PPP1R16B: variants seen among roughly 807,000 people sequenced by gnomAD.
PPP1R16B encodes the protein protein phosphatase 1 regulatory subunit 16B, also known as protein phosphatase 1 regulatory inhibitor subunit 16B.
PPP1R16B carries 14 observed loss-of-function variants against 61.7 expected under a neutral mutation model. That is an observed-to-expected ratio of 0.23 (90% confidence interval 0.15 to 0.35). PPP1R16B has a LOEUF of 0.35. Among genes scored for constraint, PPP1R16B ranks in the 10% least tolerant of loss-of-function variants. The pLI is 1.00. For synonymous variants in PPP1R16B, 266 were observed against 305.3 expected (o/e 0.87, Z 1.34); for missense variants, 547 against 752.5 (o/e 0.73, Z 3.19).
chr20:38,827,578 T>G (rs1195963771), intron 1 of PPP1R16B, among the ~76,000 whole-genome samples: 1 of 152,178 alleles, frequency 6.6e-6, no homozygotes, highest in Non-Finnish European at 1.5e-5. Flanking sequence ...TGTGGGGATC[T>G]GAGTTTCACG....
intron 2 of PPP1R16B, among the ~76,000 whole-genome samples, chr20:38,879,675 A>G (rs565179649): frequency 1.3e-4 from 20 of 152,366 alleles, no homozygotes; most frequent in Non-Finnish European, 2.5e-4. Flanking sequence ...TATATCCTAA[A>G]GGGTGTGCTG....
intron 2 of PPP1R16B, among the ~76,000 whole-genome samples, chr20:38,879,191 G>A (rs1394366449): frequency 2.0e-5 from 3 of 152,160 alleles, no homozygotes; most frequent in African/African-American, 7.2e-5. Flanking sequence ...TTCCAAGTTC[G>A]TGTTTCTGGA....
intron 2 of PPP1R16B, among the ~76,000 whole-genome samples, chr20:38,881,677 A>G (rs942447475): frequency 2.0e-5 from 3 of 152,250 alleles, no homozygotes; most frequent in African/African-American, 7.2e-5. Context: ...TTGCAAATAT[A>G]GTAACCACAA....
At chr20:38,832,736 T>A (rs745424458) in intron 1 of PPP1R16B, among the ~76,000 whole-genome samples, 1 of 151,940 alleles carries the variant, frequency 6.6e-6, no homozygotes, top group Non-Finnish European at 1.5e-5. Flanking sequence ...CTGGCCAACA[T>A]GGTGAAACCC....
At chr20:38,848,659 G>C (rs2084949414) in intron 2 of PPP1R16B, among the ~76,000 whole-genome samples, 1 of 152,112 alleles carries the variant, frequency 6.6e-6, no homozygotes, top group South Asian at 2.1e-4. Flanking sequence ...AGCTTTGCAG[G>C]GACATGGATG....
intron 6 of PPP1R16B, among the ~76,000 whole-genome samples, chr20:38,903,845 G>C (rs183275319): frequency 5.0e-4 from 76 of 152,346 alleles, no homozygotes; most frequent in Non-Finnish European, 9.8e-4. Context: ...ATATTGGGGA[G>C]GTCTGCTTCT....
At chr20:38,846,492 A>G (rs528753927) in intron 2 of PPP1R16B, among the ~76,000 whole-genome samples, 1 of 152,312 alleles carries the variant, frequency 6.6e-6, no homozygotes, top group East Asian at 1.9e-4. Flanking sequence ...AGAAGCCTGG[A>G]AGAAAGGACT....
chr20:38,859,078 A>G (rs1273221145), intron 2 of PPP1R16B, among the ~76,000 whole-genome samples: 3 of 152,126 alleles, frequency 2.0e-5, no homozygotes, highest in Admixed American at 2.0e-4. Flanking sequence ...ACAGCTACCA[A>G]GCCGACCCCG....
At chr20:38,842,830 T>TA (rs11337581) in intron 2 of PPP1R16B, among the ~76,000 whole-genome samples, 265 of 147,804 alleles carry the variant, frequency 1.8e-3, no homozygotes, top group African/African-American at 4.2e-3. Context: ...TTCTAATTAT[T>TA]AAAAAAAAAA....
chr20:38,808,355 C>T (rs924725627), intron 1 of PPP1R16B, among the ~76,000 whole-genome samples: 1 of 152,144 alleles, frequency 6.6e-6, no homozygotes, highest in African/African-American at 2.4e-5. Flanking sequence ...ACCCCATCCC[C>T]CCAACCTTTC....
intron 1 of PPP1R16B, among the ~76,000 whole-genome samples, chr20:38,813,178 G>A (rs1480488019): frequency 6.6e-6 from 1 of 152,166 alleles, no homozygotes; most frequent in Non-Finnish European, 1.5e-5. Flanking sequence ...TTCTCTGTGT[G>A]CCCAGGCCTG....
chr20:38,876,076 G>A (rs761367469), intron 2 of PPP1R16B, among the ~76,000 whole-genome samples: 4 of 151,058 alleles, frequency 2.6e-5, no homozygotes, highest in Admixed American at 6.6e-5. Flanking sequence ...GGGTTCGGGC[G>A]ATTCTCCTGC....
chr20:38,813,864 T>C, intron 1 of PPP1R16B, among the ~76,000 whole-genome samples: 1 of 151,598 alleles, frequency 6.6e-6, no homozygotes, highest in Non-Finnish European at 1.5e-5. Context: ...TGGTGCCATC[T>C]CGGCTCACGG....
Position 38,907,044 on chromosome 20 carries a change from G to C in PPP1R16B, c.888G>C (p.Glu296Asp). 1.2e-6 allele frequency: 2 copies of C among 1,613,548 alleles called. No homozygotes were observed. The highest frequency in any genetic ancestry group is 1.7e-6 in the Non-Finnish European group (2 of 1,179,436). The part of the protein sequence containing the change: ...ASLSARTSMD[E>D]MPIDLCEEEE... ...TCAGTGCAAGGACATCCATGGATGA[G>C]ATGCCAATAGGTAAGTCCAGCACAA... Residue 296 changes from glutamate (E) to aspartate (D), a missense_variant, in exon 8 of 11, where the codon GAG becomes GAC. Glu to Asp is a conservative substitution (Grantham distance 45). Coordinates refer to ENST00000299824, the MANE Select transcript of PPP1R16B (RefSeq NM_015568.4). This position sits in a 1 kb window ranked among gnomAD's most constrained non-coding sequence, Gnocchi z 4.5.
intron 2 of PPP1R16B, among the ~76,000 whole-genome samples, chr20:38,877,201 C>T (rs560741280): frequency 6.6e-6 from 1 of 152,300 alleles, no homozygotes; most frequent in South Asian, 2.1e-4. Context: ...ATAAACAATG[C>T]TGCTGTGAAC....
At chr20:38,880,181 A>G (rs774201920) in intron 2 of PPP1R16B, among the ~76,000 whole-genome samples, 4 of 152,184 alleles carry the variant, frequency 2.6e-5, no homozygotes, top group Non-Finnish European at 4.4e-5. Flanking sequence ...TAGTGTCGTA[A>G]AGACACAGAC....
intron 3 of PPP1R16B, among the ~76,000 whole-genome samples, 167 bp downstream of exon 3, chr20:38,889,832 G>A (rs1455890536): frequency 2.6e-5 from 4 of 152,352 alleles, no homozygotes; most frequent in African/African-American, 7.2e-5. Flanking sequence ...TTGGAGATAC[G>A]CGTGTCTGTT....
At chr20:38,897,769 T>C (rs1451959630) in intron 4 of PPP1R16B, among the ~76,000 whole-genome samples, 1 of 152,234 alleles carries the variant, frequency 6.6e-6, no homozygotes, top group Non-Finnish European at 1.5e-5. Context: ...ATTTTCTGCT[T>C]TTTCTTTTTT....
At chr20:38,875,891 A>G (rs2085162246) in intron 2 of PPP1R16B, among the ~76,000 whole-genome samples, 1 of 150,446 alleles carries the variant, frequency 6.6e-6, no homozygotes, top group South Asian at 2.1e-4. Flanking sequence ...TTCACCTTGG[A>G]CTTATATTTG....
Sources: allele counts gnomAD v4.1 joint callset (sites outside exome capture counted in the v4.1 genomes callset), GRCh38; gene constraint gnomAD v4.1.1; non-coding constraint Gnocchi (gnomAD v3.1); transcripts MANE v1.5; gene names NCBI Gene and HGNC (gene_info 2026-07-23, HGNC 2026-07-21).